Variants in FHIT observed in about 807,000 individuals in gnomAD.
FHIT encodes bis(5'-adenosyl)-triphosphatase.
Under a neutral mutation model 17.9 loss-of-function variants are expected in FHIT, and 19 were observed. The observed-to-expected ratio is 1.06, with a 90% CI of 0.74 to 1.56. FHIT has a LOEUF of 1.56. FHIT is among the 40% of genes most tolerant of loss of function. The pLI is 0.00. For missense variants in FHIT, 248 were observed against 189.2 expected, an observed-to-expected ratio of 1.31 and a Z score of -1.82; for synonymous variants, 81 against 69.7, an observed-to-expected ratio of 1.16 and a Z score of -0.81.
At chr3:61,240,325 G>A (rs1393804449) in intron 1 of FHIT, among the ~76,000 whole-genome samples, 2 of 152,134 alleles carry the variant, frequency 1.3e-5, no homozygotes, top group Non-Finnish European at 1.5e-5. Context: ...TGTGTGTACA[G>A]CCCTGCAAGC....
chr3:60,898,951 A>G (rs995830182), intron 3 of FHIT, among the ~76,000 whole-genome samples: 3 of 152,206 alleles, frequency 2.0e-5, no homozygotes, highest in Non-Finnish European at 4.4e-5. Flanking sequence ...TTGGCCTTAG[A>G]AATTTTTACT....
At chr3:60,234,641 T>C (rs977384932) in intron 5 of FHIT, among the ~76,000 whole-genome samples, 5 of 152,232 alleles carry the variant, frequency 3.3e-5, no homozygotes, top group Non-Finnish European at 5.9e-5. Flanking sequence ...AAGCAAGTTT[T>C]GATTTCCTTT....
At chr3:60,142,815 G>A (rs1700096513) in intron 5 of FHIT, among the ~76,000 whole-genome samples, 2 of 151,600 alleles carry the variant, frequency 1.3e-5, no homozygotes, top group African/African-American at 4.8e-5. Context: ...CAGCCACTGT[G>A]CCCAGCATGC....
chr3:60,601,357 A>C (rs1199910357), intron 4 of FHIT, among the ~76,000 whole-genome samples: 1 of 152,146 alleles, frequency 6.6e-6, no homozygotes, highest in Non-Finnish European at 1.5e-5. Context: ...TTTCTGATTC[A>C]ATGTGTATGA....
At chr3:60,135,371 C>G (rs1421722341) in intron 5 of FHIT, among the ~76,000 whole-genome samples, 2 of 152,076 alleles carry the variant, frequency 1.3e-5, no homozygotes, top group East Asian at 3.9e-4. Flanking sequence ...AGCAGAAAAA[C>G]TGTGCAGATC....
intron 5 of FHIT, among the ~76,000 whole-genome samples, chr3:60,023,049 C>T (rs1029832865): frequency 6.6e-6 from 1 of 152,118 alleles, no homozygotes; most frequent in Non-Finnish European, 1.5e-5. Flanking sequence ...AGAATGGGAA[C>T]ACACCAATAT....
At position 61,189,819 on chromosome 3, in the gene FHIT, A is replaced by G. The variant is rs1428442502; in HGVS notation, c.-164+10798T>C. The stretch of plus-strand genomic sequence containing the variant: ...TCTGATCTTTGACAAACCTGAGAAA[A>G]ACAAGCAATGGGGAAAGGATTCCCT... On this transcript the variant is annotated intron_variant, in intron 2 of 9. Transcript: ENST00000492590. 2.0e-5 allele frequency among the ~76,000 whole-genome samples: 3 copies of G among 152,150 alleles called. No individual in the cohort carries two copies. In the East Asian group the frequency reaches 5.8e-4, roughly 29 times the overall value.
At chr3:60,185,913 C>G (rs945646883) in intron 5 of FHIT, among the ~76,000 whole-genome samples, 15 of 152,178 alleles carry the variant, frequency 9.9e-5, no homozygotes, top group African/African-American at 3.6e-4. Flanking sequence ...TGACGTTGAA[C>G]ATCTTTTCAT....
chr3:61,199,486 C>T (rs1407295103), intron 2 of FHIT, among the ~76,000 whole-genome samples: 1 of 152,162 alleles, frequency 6.6e-6, no homozygotes, highest in Admixed American at 6.5e-5. Flanking sequence ...TCCAAGCCAA[C>T]CAGTTTTCAT....
At chr3:60,963,333 A>G (rs1307554643) in intron 3 of FHIT, among the ~76,000 whole-genome samples, 2 of 152,106 alleles carry the variant, frequency 1.3e-5, no homozygotes, top group Non-Finnish European at 2.9e-5. Flanking sequence ...CTTCTTTATT[A>G]GTCTTGCTAG....
chr3:61,185,592 T>C (rs562673335), intron 2 of FHIT, among the ~76,000 whole-genome samples: 137 of 152,256 alleles, frequency 9.0e-4, no homozygotes, highest in African/African-American at 3.2e-3. Context: ...AATCTGTACA[T>C]CCACTTCGGT....
intron 4 of FHIT, among the ~76,000 whole-genome samples, chr3:60,564,053 A>C (rs1440416163): frequency 6.6e-6 from 1 of 152,146 alleles, no homozygotes; most frequent in Non-Finnish European, 1.5e-5. Context: ...GAACAAACTG[A>C]ATCTCTTGTT....
chr3:59,827,419 A>G lies in FHIT; in HGVS notation c.349-75098T>C, dbSNP rs548173203. On this transcript the variant is annotated intron_variant, in intron 8 of 9. Transcript: ENST00000492590. ...ACTGATTGTCTACTGGATACAAAGT[A>G]CTGTGGTATAGGGCACCAGAAGGTG... is the stretch of plus-strand genomic sequence containing the variant. 3.9e-5 allele frequency among the ~76,000 whole-genome samples: 6 copies of G among 152,376 alleles called. No homozygotes were observed. In the East Asian group the frequency reaches 9.6e-4, roughly 24 times the overall value.
At chr3:61,073,818 G>A (rs577867194) in intron 2 of FHIT, among the ~76,000 whole-genome samples, 36 of 152,300 alleles carry the variant, frequency 2.4e-4, no homozygotes, top group African/African-American at 8.7e-4. Context: ...AGAGGCTGAA[G>A]CAGAGGCAGC....
intron 4 of FHIT, among the ~76,000 whole-genome samples, chr3:60,673,866 G>C (rs1027570399): frequency 6.6e-6 from 1 of 152,040 alleles, no homozygotes; most frequent in South Asian, 2.1e-4. Context: ...TCAGTTGGCC[G>C]TCATACATCC....
At chr3:60,773,431 T>C (rs2108078889) in intron 4 of FHIT, among the ~76,000 whole-genome samples, 1 of 152,342 alleles carries the variant, frequency 6.6e-6, no homozygotes, top group South Asian at 2.1e-4. Flanking sequence ...AATGAAACAT[T>C]CCTTGTTCAT....
rs182446022 is a variant in FHIT, at chr3:60,535,609, A to G, written c.103+1251T>C. On this transcript the variant is annotated intron_variant, in intron 5 of 9. Coordinates refer to ENST00000492590, the MANE Select transcript of FHIT (RefSeq NM_002012.4). ...CTAGTGTTTTTTTTTAATAAACAGAAGAAAATAGTTTTCTAATATTATTTA... is the reference window on the plus strand; with the variant it reads ...CTAGTGTTTTTTTTTAATAAACAGAGGAAAATAGTTTTCTAATATTATTTA... Among the ~76,000 whole-genome samples, 26 of 152,144 alleles carry G rather than the reference A, an allele frequency of 1.7e-4. No individual in the cohort carries two copies. The East Asian group carries it at 4.6e-3, about 27-fold the overall frequency.
At chr3:60,805,862 C>G (rs181848623) in intron 4 of FHIT, among the ~76,000 whole-genome samples, 2 of 152,054 alleles carry the variant, frequency 1.3e-5, no homozygotes, top group African/African-American at 4.8e-5. Flanking sequence ...CCCTGCCTAC[C>G]TTTAAAGGGG....
chr3:60,784,547 G>C lies in FHIT; in HGVS notation c.-18+37372C>G, dbSNP rs1443236118. 2.6e-5 allele frequency among the ~76,000 whole-genome samples: 4 copies of C among 152,222 alleles called. No individual in the cohort carries two copies. The East Asian group carries it at 7.8e-4, about 30-fold the overall frequency. ...GATGGGGTTTTGCCATGTTGGCCAG[G>C]CTGATCTTGAATGCCTGGCCTCAAA... On this transcript the variant is annotated intron_variant, in intron 4 of 9. Transcript: ENST00000492590.
Sources: allele counts gnomAD v4.1 joint callset (sites outside exome capture counted in the v4.1 genomes callset), GRCh38; gene constraint gnomAD v4.1.1; transcripts MANE v1.5; gene names NCBI Gene and HGNC (gene_info 2026-07-23, HGNC 2026-07-21).